Variants in KLHL3 observed in about 807,000 individuals in gnomAD.
The protein encoded by KLHL3 is kelch like family member 3.
In KLHL3, 19 loss-of-function variants were observed where a neutral mutation model predicts 70.5. The observed-to-expected ratio is 0.27, with a 90% CI of 0.19 to 0.40. KLHL3 has a LOEUF of 0.40. Ranked by LOEUF, KLHL3 falls within the 10% of genes least tolerant of loss-of-function variation. KLHL3 has a pLI of 1.00. For missense variants in KLHL3, 512 were observed against 771.1 expected (o/e 0.66, Z 3.98); for synonymous variants, 258 against 290.3 (o/e 0.89, Z 1.13).
chr5:137,728,467 C>T (rs1753119936), intron 1 of KLHL3, among the ~76,000 whole-genome samples: 1 of 152,160 alleles, frequency 6.6e-6, no homozygotes, highest in African/African-American at 2.4e-5. Context: ...TCCATGACCC[C>T]TCCACCTCAC....
At chr5:137,705,513 C>G (rs1374504163) in intron 3 of KLHL3, among the ~76,000 whole-genome samples, 3 of 152,168 alleles carry the variant, frequency 2.0e-5, no homozygotes, top group African/African-American at 7.2e-5. Context: ...AAAAACTGGA[C>G]AGTAACTCCT....
chr5:137,709,717 T>G, intron 3 of KLHL3, 33 bp downstream of exon 3: 1 of 1,524,590 alleles, frequency 6.6e-7, no homozygotes, highest in Non-Finnish European at 9.1e-7. Flanking sequence ...TGCAGCCCCA[T>G]AACCATGGGT....
In KLHL3 at chr5:137,622,191, G is replaced by A; in HGVS notation, c.1736-65C>T. ...CCAAAATTACTCAGAGTCCCAGTGA[G>A]TTCATGAATCCAAGATATCCTGAGT... On this transcript the variant is annotated intron_variant, in intron 14 of 14. Coordinates refer to ENST00000309755, the MANE Select transcript of KLHL3 (RefSeq NM_017415.3). 10 of 1,560,900 alleles carry A rather than the reference G, an allele frequency of 6.4e-6. No homozygotes were observed. The South Asian group carries it at 1.1e-4, about 17-fold the overall frequency.
intron 12 of KLHL3, among the ~76,000 whole-genome samples, chr5:137,633,635 A>G (rs1363895297): frequency 6.6e-6 from 1 of 152,258 alleles, no homozygotes; most frequent in Non-Finnish European, 1.5e-5. Flanking sequence ...TGCAACCAAA[A>G]AAAGAGTGAA....
intron 12 of KLHL3, among the ~76,000 whole-genome samples, chr5:137,633,433 ACTAC>A (rs780651204): frequency 1.3e-5 from 2 of 152,138 alleles, no homozygotes; most frequent in East Asian, 3.8e-4. Flanking sequence ...TCAAAATATA[ACTAC>A]CATTTGACCC....
In KLHL3 at chr5:137,658,227, G is replaced by A. The variant is rs762863414; in HGVS notation, c.807C>T (p.Leu269=). 6.2e-7 allele frequency: 1 copy of A among 1,613,490 alleles called. No homozygotes were observed. Among genetic ancestry groups the A allele is most frequent in the Non-Finnish European group, 8.5e-7 (1 of 1,179,414 alleles). Residue 269 remains leucine, a synonymous_variant, in exon 8 of 15, where the codon CTC becomes CTT. Coordinates refer to ENST00000309755, the MANE Select transcript of KLHL3 (RefSeq NM_017415.3). The part of the protein sequence containing the change: ...IKNNNTCKDF[L]IEAMKYHLLP... ...GGAGATGGTATTTCATGGCCTCAAT[G>A]AGGAAGTCTTTACAGGTGTTGTTAT... is the stretch of plus-strand genomic sequence containing the variant.
chr5:137,666,818 C>T (rs1751625651), intron 6 of KLHL3, among the ~76,000 whole-genome samples: 1 of 152,020 alleles, frequency 6.6e-6, no homozygotes, highest in Non-Finnish European at 1.5e-5. Flanking sequence ...TTCAATGTAC[C>T]CAAAATGGTT....
At chr5:137,723,251 C>T (rs563105992) in intron 1 of KLHL3, among the ~76,000 whole-genome samples, 2 of 152,232 alleles carry the variant, frequency 1.3e-5, no homozygotes, top group African/African-American at 4.8e-5. Flanking sequence ...TGAGAAGTGT[C>T]TTCACTAGCT....
intron 1 of KLHL3, among the ~76,000 whole-genome samples, chr5:137,733,826 G>A (rs796583734): frequency 7.2e-5 from 11 of 152,292 alleles, no homozygotes; most frequent in African/African-American, 2.6e-4. Flanking sequence ...CAGTGGAAAT[G>A]GGAACAGGAG....
chr5:137,692,351 C>A lies in KLHL3; in HGVS notation c.460G>T (p.Gly154Cys), dbSNP rs759883373. Residue 154 changes from glycine to cysteine, a missense_variant, in exon 5 of 15, where the codon GGC becomes TGC. Physicochemically the swap from Gly to Cys is radical, Grantham distance 159 (BLOSUM62 -3). Coordinates refer to ENST00000309755, the MANE Select transcript of KLHL3 (RefSeq NM_017415.3). ...QSQLHPTNCLGIRAFADVHTC... is the reference protein window; with the variant it reads ...QSQLHPTNCLCIRAFADVHTC... Reference sequence around the variant, plus strand: ...TGTACATCTGCAAATGCACGGATGCCCAGGCAATTGGTGGGATGCAACTGA... The same window carrying A: ...TGTACATCTGCAAATGCACGGATGCACAGGCAATTGGTGGGATGCAACTGA... The A allele has an allele frequency of 1.2e-6, 2 of 1,613,794 alleles. No homozygotes were observed. The highest frequency in any genetic ancestry group is 1.1e-5 in the South Asian group (1 of 91,042).
Position 137,698,414 on chromosome 5 carries a change from G to A in KLHL3, c.242-6C>T. ...TTTACTCTCAGACATGTCACCTAGA[G>A]TTTACAACAAAAACAAAATGACATA... On this transcript the variant is annotated splice_region_variant and splice_polypyrimidine_tract_variant and intron_variant, in intron 3 of 14. Coordinates refer to ENST00000309755, the MANE Select transcript of KLHL3 (RefSeq NM_017415.3). 1 of 1,614,000 alleles carries A rather than the reference G, an allele frequency of 6.2e-7. No individual in the cohort carries two copies. Among genetic ancestry groups the A allele is most frequent in the South Asian group, 1.1e-5 (1 of 91,068 alleles).
chr5:137,674,587 G>A (rs1751841480), intron 6 of KLHL3, among the ~76,000 whole-genome samples: 1 of 152,160 alleles, frequency 6.6e-6, no homozygotes, highest in African/African-American at 2.4e-5. Flanking sequence ...AAAGAAATCT[G>A]TGGGCTGCAT....
chr5:137,717,289 G>A (rs1381149583), intron 2 of KLHL3, among the ~76,000 whole-genome samples: 1 of 152,218 alleles, frequency 6.6e-6, no homozygotes, highest in African/African-American at 2.4e-5. Context: ...AAAATGCAAA[G>A]TTACAAAATC....
chr5:137,694,850 A>C (rs1198367780), intron 4 of KLHL3, among the ~76,000 whole-genome samples: 1 of 152,092 alleles, frequency 6.6e-6, no homozygotes, highest in East Asian at 1.9e-4. Context: ...GAGGGAGAGG[A>C]AGCCATCAAA....
chr5:137,699,003 T>C (rs917239867), intron 3 of KLHL3, among the ~76,000 whole-genome samples: 1 of 152,142 alleles, frequency 6.6e-6, no homozygotes, highest in African/African-American at 2.4e-5. Context: ...AGGTAATTCA[T>C]TTTGCCCACA....
chr5:137,648,757 T>C (rs1303389075), intron 8 of KLHL3, among the ~76,000 whole-genome samples: 1 of 152,220 alleles, frequency 6.6e-6, no homozygotes, highest in Non-Finnish European at 1.5e-5. Context: ...CAAACAGAGT[T>C]ACTGCTGAGA....
chr5:137,725,744 ATT>A (rs1753075733), intron 1 of KLHL3, among the ~76,000 whole-genome samples: 1 of 152,222 alleles, frequency 6.6e-6, no homozygotes, highest in African/African-American at 2.4e-5. Flanking sequence ...CAATACTTTA[ATT>A]AATTTCCACA....
intron 1 of KLHL3, among the ~76,000 whole-genome samples, chr5:137,733,923 A>T (rs1006652820): frequency 6.6e-6 from 1 of 152,216 alleles, no homozygotes; most frequent in African/African-American, 2.4e-5. Context: ...CCTGGTGAAC[A>T]TTGGAAGCTG....
intron 1 of KLHL3, among the ~76,000 whole-genome samples, chr5:137,731,903 G>C (rs551607504): frequency 7.9e-5 from 12 of 152,096 alleles, no homozygotes; most frequent in African/African-American, 2.9e-4. Flanking sequence ...TTTAAGTACA[G>C]TCATACTGTT....
Sources: gnomAD v4.1 joint callset for allele counts (sites outside exome capture counted in the v4.1 genomes callset) on GRCh38, gnomAD v4.1.1 for gene constraint, MANE v1.5 for transcripts, NCBI Gene and HGNC (gene_info 2026-07-23, HGNC 2026-07-21) for gene names.